CSMD1: variants seen among roughly 807,000 people sequenced by gnomAD.
CSMD1 encodes CUB and sushi domain-containing protein 1.
CSMD1 carries 213 observed loss-of-function variants against 417.5 expected under a neutral mutation model. That is an observed-to-expected ratio of 0.51 (90% CI 0.46 to 0.57). CSMD1 has a LOEUF of 0.57. Among genes scored for constraint, CSMD1 ranks in the 20% least tolerant of loss-of-function variants. The pLI, the probability that CSMD1 is intolerant of heterozygous loss-of-function variation, is 0.00. For synonymous variants in CSMD1, 2,862 were observed against 1,736.8 expected (o/e 1.65, Z -16.11); for missense variants, 6,923 against 4,529.7 (o/e 1.53, Z -15.17).
intron 6 of CSMD1, among the ~76,000 whole-genome samples, chr8:3,712,907 T>G (rs1174552206): frequency 6.6e-6 from 1 of 152,104 alleles, no homozygotes; most frequent in African/African-American, 2.4e-5. Context: ...ACAGAAGGAA[T>G]AAGTTCAAGA....
Position 3,829,787 on chromosome 8 carries a change from A to G in CSMD1, c.819-75745T>C, listed in dbSNP as rs1166282258. Among the ~76,000 whole-genome samples, 16 of 152,292 alleles carry G rather than the reference A, an allele frequency of 1.1e-4. No homozygotes were observed. In the South Asian group the frequency reaches 2.7e-3, roughly 26 times the overall value. Reference sequence around the variant, plus strand: ...GATTTCTCCAAGACAGGAATATTGAATGAGGTTTTCCAACACTTCTTTGGC... The same window carrying G: ...GATTTCTCCAAGACAGGAATATTGAGTGAGGTTTTCCAACACTTCTTTGGC... On this transcript the variant is annotated intron_variant, in intron 5 of 69. Transcript: ENST00000635120.
At chr8:4,390,861 T>C (rs934338277) in intron 3 of CSMD1, among the ~76,000 whole-genome samples, 14 of 152,208 alleles carry the variant, frequency 9.2e-5, no homozygotes, top group Admixed American at 2.0e-4. Context: ...AATTTTAAGG[T>C]GTACCTCACA....
chr8:3,015,570 A>T (rs1160388123), intron 52 of CSMD1, among the ~76,000 whole-genome samples: 1 of 152,056 alleles, frequency 6.6e-6, no homozygotes, highest in African/African-American at 2.4e-5. Flanking sequence ...GTAAACAAAA[A>T]AAAGGACCCA....
chr8:4,012,552 G>T (rs1158397939), intron 4 of CSMD1, among the ~76,000 whole-genome samples: 1 of 152,108 alleles, frequency 6.6e-6, no homozygotes, highest in Non-Finnish European at 1.5e-5. Flanking sequence ...CACCTGGCAG[G>T]TAGTTATTCA....
intron 2 of CSMD1, among the ~76,000 whole-genome samples, chr8:4,526,416 G>A (rs190391094): frequency 6.5e-4 from 99 of 152,278 alleles, no homozygotes; most frequent in African/African-American, 1.4e-3. Flanking sequence ...GTATGCCCAA[G>A]GGCAAATGCC....
chr8:4,462,816 AATTG>A (rs1799917250), intron 2 of CSMD1, among the ~76,000 whole-genome samples: 1 of 152,208 alleles, frequency 6.6e-6, no homozygotes. Context: ...TCCACAAAAA[AATTG>A]ATAAATCATA....
At chr8:4,614,121 A>G (rs994434527) in intron 2 of CSMD1, among the ~76,000 whole-genome samples, 3 of 152,166 alleles carry the variant, frequency 2.0e-5, no homozygotes, top group Non-Finnish European at 4.4e-5. Flanking sequence ...AGATGCAATA[A>G]AAACAATGAA....
At chr8:4,380,186 TC>T (rs1803011574) in intron 3 of CSMD1, among the ~76,000 whole-genome samples, 2 of 152,148 alleles carry the variant, frequency 1.3e-5, no homozygotes, top group Admixed American at 6.5e-5. Context: ...TTAGGAGGGC[TC>T]CCAGTTACTT....
At chr8:2,994,847 C>A (rs1006674498) in intron 54 of CSMD1, among the ~76,000 whole-genome samples, 1 of 152,022 alleles carries the variant, frequency 6.6e-6, no homozygotes, top group Non-Finnish European at 1.5e-5. Flanking sequence ...ACCAATATCT[C>A]TTGAATATCC....
intron 3 of CSMD1, among the ~76,000 whole-genome samples, chr8:4,131,476 T>G (rs1303615173): frequency 6.6e-6 from 1 of 152,200 alleles, no homozygotes; most frequent in Non-Finnish European, 1.5e-5. Context: ...AAATAAAAGT[T>G]TGAAACCAAA....
rs757765923 is a variant in CSMD1, at chr8:3,308,305, C to T, written c.3823+7G>A. On this transcript the variant is annotated splice_region_variant and intron_variant, in intron 24 of 69. Coordinates refer to ENST00000635120, the MANE Select transcript of CSMD1 (RefSeq NM_033225.6). ...TTGCACAATGGTATGACTGCTTCCACACTCACCTATGCACGAAGGTAGTGG... is the reference window on the plus strand; with the variant it reads ...TTGCACAATGGTATGACTGCTTCCATACTCACCTATGCACGAAGGTAGTGG... 5.6e-6 allele frequency: 9 copies of T among 1,596,466 alleles called. No homozygotes were observed. Among genetic ancestry groups the T allele is most frequent in the Non-Finnish European group, 6.9e-6 (8 of 1,166,520 alleles).
intron 5 of CSMD1, among the ~76,000 whole-genome samples, chr8:3,981,636 T>C (rs1813879298): frequency 6.6e-6 from 1 of 152,174 alleles, no homozygotes; most frequent in African/African-American, 2.4e-5. Flanking sequence ...CTTTGAGTTG[T>C]CTTTTAATTA....
intron 8 of CSMD1, among the ~76,000 whole-genome samples, chr8:3,594,398 A>G (rs1389017306): frequency 6.6e-6 from 1 of 152,090 alleles, no homozygotes; most frequent in Non-Finnish European, 1.5e-5. Context: ...GTCTTGAAAG[A>G]TGCATAGAAT....
chr8:4,172,682 A>G (rs923960333), intron 3 of CSMD1, among the ~76,000 whole-genome samples: 1 of 152,180 alleles, frequency 6.6e-6, no homozygotes, highest in African/African-American at 2.4e-5. Context: ...GGTGTTTCAC[A>G]CATATTCATT....
chr8:4,339,216 C>A (rs1205307288), intron 3 of CSMD1, among the ~76,000 whole-genome samples: 1 of 152,064 alleles, frequency 6.6e-6, no homozygotes, highest in African/African-American at 2.4e-5. Context: ...ATACCCCAGG[C>A]AATAAGCCAT....
intron 3 of CSMD1, among the ~76,000 whole-genome samples, chr8:4,080,684 G>T (rs182433446): frequency 7.2e-5 from 11 of 152,250 alleles, no homozygotes; most frequent in South Asian, 2.1e-4. Context: ...CTGAAAATGG[G>T]TATTTCTTCA....
intron 10 of CSMD1, among the ~76,000 whole-genome samples, chr8:3,520,161 G>A (rs746753052): frequency 1.3e-5 from 2 of 151,678 alleles, no homozygotes; most frequent in Non-Finnish European, 2.9e-5. Context: ...TAAGAAACCA[G>A]AACCGAGAAG....
intron 1 of CSMD1, among the ~76,000 whole-genome samples, chr8:4,706,072 A>C (rs1255518553): frequency 1.3e-5 from 2 of 150,734 alleles, no homozygotes; most frequent in Non-Finnish European, 3.0e-5. Flanking sequence ...AATACATGAT[A>C]CATAAAATTT....
intron 8 of CSMD1, among the ~76,000 whole-genome samples, chr8:3,603,308 T>C (rs1801451061): frequency 7.0e-6 from 1 of 142,360 alleles, no homozygotes; most frequent in Non-Finnish European, 1.6e-5. Context: ...GGCATAGGAA[T>C]ATGTTATGTT....
Sources: allele counts gnomAD v4.1 joint callset (sites outside exome capture counted in the v4.1 genomes callset), GRCh38; gene constraint gnomAD v4.1.1; transcripts MANE v1.5; gene names NCBI Gene and HGNC (gene_info 2026-07-23, HGNC 2026-07-21).